Variants in SLCO5A1 observed in about 807,000 individuals in gnomAD.
SLCO5A1 encodes the protein organic anion transporter polypeptide-related protein 4.
In SLCO5A1, 39 loss-of-function variants were observed where a neutral mutation model predicts 65.1. That is an observed-to-expected ratio of 0.60 (90% CI 0.46 to 0.78). The LOEUF (loss-of-function observed/expected upper bound fraction) is 0.78, where lower values mean the gene tolerates loss of function less well. SLCO5A1 is among the 30% of genes least tolerant of loss of function. SLCO5A1 has a pLI of 0.00. For missense variants in SLCO5A1, 1,029 were observed against 1,069.4 expected (o/e 0.96, Z 0.53); for synonymous variants, 438 against 415.7 (o/e 1.05, Z -0.65).
intron 2 of SLCO5A1, among the ~76,000 whole-genome samples, chr8:69,823,341 G>A (rs1820731665): frequency 6.6e-6 from 1 of 152,084 alleles, no homozygotes; most frequent in African/African-American, 2.4e-5. Flanking sequence ...TGGATAAAGA[G>A]TCAAGACCCA....
intron 3 of SLCO5A1, among the ~76,000 whole-genome samples, chr8:69,758,790 G>A (rs1817633731): frequency 6.6e-6 from 1 of 152,068 alleles, no homozygotes; most frequent in Admixed American, 6.6e-5. Flanking sequence ...TGCAGTACCT[G>A]TTGGAAAAAG....
chr8:69,813,487 G>A (rs1820291307), intron 2 of SLCO5A1, among the ~76,000 whole-genome samples: 2 of 152,334 alleles, frequency 1.3e-5, no homozygotes, highest in South Asian at 4.1e-4. Context: ...TTTGCAGGGT[G>A]ACAGTTTAAC....
chr8:69,725,654 T>A (rs1270724935), intron 5 of SLCO5A1, among the ~76,000 whole-genome samples: 1 of 152,152 alleles, frequency 6.6e-6, no homozygotes, highest in Non-Finnish European at 1.5e-5. Context: ...TGCCCTTTAG[T>A]GAAACATTGT....
At chr8:69,830,894 G>T (rs1821123969) in intron 2 of SLCO5A1, among the ~76,000 whole-genome samples, 1 of 152,190 alleles carries the variant, frequency 6.6e-6, no homozygotes. Context: ...AATAGCTTTG[G>T]ATAAACCTTA....
chr8:69,787,053 C>T (rs1424705161), intron 2 of SLCO5A1, among the ~76,000 whole-genome samples: 1 of 152,234 alleles, frequency 6.6e-6, no homozygotes, highest in East Asian at 1.9e-4. Flanking sequence ...GCTGACTTGT[C>T]CTCATCCCTT....
At chr8:69,722,797 G>GTGTGTA (rs1386758911) in intron 5 of SLCO5A1, among the ~76,000 whole-genome samples, 2 of 151,920 alleles carry the variant, frequency 1.3e-5, no homozygotes, top group Non-Finnish European at 2.9e-5. Context: ...GTGTGTGTGT[G>GTGTGTA]TGTGTGTGTG....
In SLCO5A1 at chr8:69,669,396, G is replaced by A. The variant is rs146813258; in HGVS notation, c.*3473C>T. 160 of 152,208 alleles carry A rather than the reference G, an allele frequency of 1.1e-3. No homozygotes were observed. The highest frequency in any genetic ancestry group is 3.6e-3 in the African/African-American group (151 of 41,540). The allele number at this position is 152,208 out of a possible 1,614,324, so 9.4% of individuals were successfully genotyped here. ...AACCAAAAGCTATTGTATACATTGCGTAGTGTAAAAAATGAATAATGGAGT... is the reference window on the plus strand; with the variant it reads ...AACCAAAAGCTATTGTATACATTGCATAGTGTAAAAAATGAATAATGGAGT... On this transcript the variant is annotated 3_prime_UTR_variant, in exon 10 of 10. Coordinates refer to ENST00000260126, the MANE Select transcript of SLCO5A1 (RefSeq NM_030958.3).
chr8:69,693,294 C>T (rs1409555099), intron 6 of SLCO5A1, among the ~76,000 whole-genome samples: 1 of 152,204 alleles, frequency 6.6e-6, no homozygotes, highest in Non-Finnish European at 1.5e-5. Context: ...ACATCAGGTT[C>T]ATTCTACAAA....
rs1050145060 is a variant in SLCO5A1 at position 69,669,250 on chromosome 8, A to G, written c.*3619T>C. On this transcript the variant is annotated 3_prime_UTR_variant, in exon 10 of 10. Coordinates refer to ENST00000260126, the MANE Select transcript of SLCO5A1 (RefSeq NM_030958.3). ...AACATTAAATCTTGATATTTCCTAC[A>G]GATGTTTCCTACAGTTTTTTTTATT... 9.9e-5 allele frequency: 15 copies of G among 152,188 alleles called. No homozygotes were observed. Among genetic ancestry groups the G allele is most frequent in the Non-Finnish European group, 4.4e-5 (3 of 68,050 alleles). 9.4% of individuals were successfully genotyped at this position (152,188 alleles called of 1,614,324 possible). A position where few individuals can be genotyped will look rare whatever the true frequency, so the allele number is the denominator to read the frequency against.
intron 4 of SLCO5A1, among the ~76,000 whole-genome samples, chr8:69,749,569 G>T (rs1817189478): frequency 6.6e-6 from 1 of 151,776 alleles, no homozygotes; most frequent in African/African-American, 2.4e-5. Flanking sequence ...AGTGAGCAGA[G>T]ATCACGCCAC....
chr8:69,745,962 T>C lies in SLCO5A1; in HGVS notation c.1259-7758A>G, dbSNP rs187948534. Among the ~76,000 whole-genome samples, 555 of 152,332 alleles carry C rather than the reference T, an allele frequency of 3.6e-3. 9 individuals carry two copies. The highest frequency in any genetic ancestry group is 0.011 in the African/African-American group (439 of 41,582). ...AACATGTATTACTTTTAGGATCTTG[T>C]TTTAAAAGCTGCAATTTTAAAAGGA... is the stretch of plus-strand genomic sequence containing the variant. On this transcript the variant is annotated intron_variant, in intron 4 of 9. Coordinates refer to ENST00000260126, the MANE Select transcript of SLCO5A1 (RefSeq NM_030958.3).
chr8:69,829,366 C>A (rs1821065453), intron 2 of SLCO5A1, among the ~76,000 whole-genome samples: 1 of 152,140 alleles, frequency 6.6e-6, no homozygotes, highest in Admixed American at 6.5e-5. Flanking sequence ...TTCAAAAAGT[C>A]TATGCCATGG....
chr8:69,679,876 A>G (rs1298143542), intron 7 of SLCO5A1, among the ~76,000 whole-genome samples: 1 of 152,194 alleles, frequency 6.6e-6, no homozygotes, highest in East Asian at 1.9e-4. Flanking sequence ...AATACCATTC[A>G]CGTTCTGCAG....
chr8:69,753,105 G>A (rs1273776006), intron 4 of SLCO5A1, among the ~76,000 whole-genome samples: 3 of 152,122 alleles, frequency 2.0e-5, no homozygotes, highest in Non-Finnish European at 2.9e-5. Flanking sequence ...GCATATCTAA[G>A]TATGGGTTCC....
At chr8:69,699,691 T>C (rs1814642045) in intron 6 of SLCO5A1, among the ~76,000 whole-genome samples, 1 of 152,170 alleles carries the variant, frequency 6.6e-6, no homozygotes, top group African/African-American at 2.4e-5. Flanking sequence ...TAGGCACTTA[T>C]AGGACACAGA....
At chr8:69,774,053 A>G (rs181057114) in intron 2 of SLCO5A1, among the ~76,000 whole-genome samples, 9 of 152,316 alleles carry the variant, frequency 5.9e-5, no homozygotes, top group African/African-American at 2.2e-4. Context: ...TGTCAGCTCA[A>G]TGAGAACAAG....
At chr8:69,692,418 C>T (rs932555937) in intron 6 of SLCO5A1, among the ~76,000 whole-genome samples, 1 of 152,158 alleles carries the variant, frequency 6.6e-6, no homozygotes, top group African/African-American at 2.4e-5. Flanking sequence ...TCTTCATAAG[C>T]ACTGTACACT....
chr8:69,817,799 G>T (rs1450427996), intron 2 of SLCO5A1, among the ~76,000 whole-genome samples: 1 of 152,120 alleles, frequency 6.6e-6, no homozygotes, highest in Non-Finnish European at 1.5e-5. Flanking sequence ...TTTCAATATA[G>T]ATCTTACATT....
chr8:69,761,442 G>A (rs972415951), intron 3 of SLCO5A1: 7 of 291,704 alleles, frequency 2.4e-5, no homozygotes, highest in Admixed American at 5.5e-5. Context: ...TTTGATTCTT[G>A]CCCTCCTGCT....
Sources: allele counts gnomAD v4.1 joint callset (sites outside exome capture counted in the v4.1 genomes callset), GRCh38; gene constraint gnomAD v4.1.1; transcripts MANE v1.5; gene names NCBI Gene and HGNC (gene_info 2026-07-23, HGNC 2026-07-21).